MAPK8: variants seen among roughly 807,000 people sequenced by gnomAD.
MAPK8 encodes JUN N-terminal kinase.
MAPK8 carries 13 observed loss-of-function variants against 52.9 expected under a neutral mutation model. That is an observed-to-expected ratio of 0.25 (90% confidence interval 0.16 to 0.39). MAPK8 has a LOEUF of 0.39. Ranked by LOEUF, MAPK8 falls within the 10% of genes least tolerant of loss-of-function variation. The pLI, the probability that MAPK8 is intolerant of heterozygous loss-of-function variation, is 1.00. For missense variants in MAPK8, 300 were observed against 519.2 expected, an observed-to-expected ratio of 0.58 and a Z score of 4.10; for synonymous variants, 191 against 169.8, an observed-to-expected ratio of 1.12 and a Z score of -0.97.
At chr10:48,337,892 A>G (rs1844849821) in intron 1 of MAPK8, among the ~76,000 whole-genome samples, 1 of 151,002 alleles carries the variant, frequency 6.6e-6, no homozygotes, top group Admixed American at 6.9e-5. Flanking sequence ...TCCAAGAGTG[A>G]ACCAGGAAGA....
intron 1 of MAPK8, among the ~76,000 whole-genome samples, chr10:48,338,711 A>G (rs1844941174): frequency 6.6e-6 from 1 of 152,160 alleles, no homozygotes; most frequent in Admixed American, 6.5e-5. Flanking sequence ...GGACCTGAGA[A>G]ACAACTCCAG....
At chr10:48,400,567 T>A (rs1487672401) in intron 1 of MAPK8, among the ~76,000 whole-genome samples, 1 of 152,180 alleles carries the variant, frequency 6.6e-6, no homozygotes, top group Non-Finnish European at 1.5e-5. Context: ...TGGCTCACCT[T>A]CTTACCTAGT....
At chr10:48,417,076 C>A (rs2043107023) in intron 5 of MAPK8, among the ~76,000 whole-genome samples, 1 of 152,116 alleles carries the variant, frequency 6.6e-6, no homozygotes, top group Non-Finnish European at 1.5e-5. Flanking sequence ...CCACTAGATG[C>A]CAGTAGCACT....
chr10:48,387,468 A>G (rs1297038859), intron 1 of MAPK8, among the ~76,000 whole-genome samples: 1 of 152,188 alleles, frequency 6.6e-6, no homozygotes, highest in Non-Finnish European at 1.5e-5. Context: ...AAGAGCTCAG[A>G]TTAATTTTTA....
chr10:48,321,751 A>G (rs1024311260), intron 1 of MAPK8, among the ~76,000 whole-genome samples: 6 of 152,134 alleles, frequency 3.9e-5, no homozygotes, highest in African/African-American at 1.4e-4. Flanking sequence ...TCCTAGCTCC[A>G]TTTGTTGAAA....
At chr10:48,419,652 C>T (rs2043242199) in intron 5 of MAPK8, among the ~76,000 whole-genome samples, 1 of 152,108 alleles carries the variant, frequency 6.6e-6, no homozygotes, top group Non-Finnish European at 1.5e-5. Flanking sequence ...TCTTCTAGTC[C>T]TTTGGAACTG....
intron 1 of MAPK8, among the ~76,000 whole-genome samples, chr10:48,315,598 T>TA (rs1842420598): frequency 8.6e-6 from 1 of 116,950 alleles, no homozygotes; most frequent in Non-Finnish European, 1.9e-5. Context: ...TTTATATATT[T>TA]AAGTTTTTTT....
At chr10:48,419,307 A>G (rs1564611448) in intron 5 of MAPK8, among the ~76,000 whole-genome samples, 1 of 152,208 alleles carries the variant, frequency 6.6e-6, no homozygotes, top group Non-Finnish European at 1.5e-5. Context: ...CAGTACAGGT[A>G]ATACAGTGCA....
chr10:48,427,676 T>G (rs1468472403), intron 10 of MAPK8, among the ~76,000 whole-genome samples: 2 of 152,150 alleles, frequency 1.3e-5, no homozygotes, highest in Non-Finnish European at 2.9e-5. Flanking sequence ...GTATTTTTAG[T>G]AGAGACAGGG....
At chr10:48,426,602 T>A in intron 9 of MAPK8, 98 bp downstream of exon 9, 1 of 1,081,342 alleles carries the variant, frequency 9.2e-7, no homozygotes, top group Non-Finnish European at 1.3e-6. Flanking sequence ...AATAAAAATG[T>A]AGATACATGA....
intron 1 of MAPK8, among the ~76,000 whole-genome samples, chr10:48,347,935 A>C (rs768391337): frequency 2.6e-5 from 4 of 152,176 alleles, no homozygotes; most frequent in Non-Finnish European, 4.4e-5. Flanking sequence ...GCTGGGTCAA[A>C]TGGTGTTTCT....
chr10:48,369,624 G>T (rs1848370269), intron 1 of MAPK8, among the ~76,000 whole-genome samples: 1 of 152,082 alleles, frequency 6.6e-6, no homozygotes, highest in Non-Finnish European at 1.5e-5. Flanking sequence ...AAATTGCCAT[G>T]GGAGAGTGTA....
In MAPK8 at chr10:48,426,469, A is replaced by G; in HGVS notation, c.961A>G (p.Ile321Val). Residue 321 changes from isoleucine to valine, a missense_variant, in exon 9 of 12, where the codon ATC (isoleucine) becomes GTC (valine). Ile to Val is a conservative substitution (Grantham distance 29, BLOSUM62 3). Transcript: ENST00000374189. ...SVDEALQHPY[I>V]NVWYDPSEAE... ...AGATGAAGCTCTCCAACACCCGTAC[A>G]TCAATGTCTGGTATGATCCTTCTGA... The G allele has an allele frequency of 1.2e-6, 2 of 1,612,332 alleles. No homozygotes were observed. Among genetic ancestry groups the G allele is most frequent in the South Asian group, 1.1e-5 (1 of 90,704 alleles).
In MAPK8 at chr10:48,435,355, TTTTG is replaced by T. The variant is rs2044770199; in HGVS notation, c.*330_*333del. 1.4e-5 allele frequency: 3 copies of T among 213,408 alleles called. No individual in the cohort carries two copies. The highest frequency in any genetic ancestry group is 4.6e-5 in the African/African-American group (2 of 43,948). 13.2% of individuals were successfully genotyped at this position (213,408 alleles called of 1,614,324 possible). ...GATTTTTTTAACTGAATTTGTAAGA[TTTTG>T]TTTATCAAAGCAACTATTATGTGGT... On this transcript the variant is annotated 3_prime_UTR_variant, in exon 12 of 12. Transcript: ENST00000374189.
chr10:48,427,294 C>G, intron 10 of MAPK8, 151 bp downstream of exon 10: 1 of 519,214 alleles, frequency 1.9e-6, no homozygotes, highest in Non-Finnish European at 3.5e-6. Flanking sequence ...GAAAGTAAGT[C>G]TGCTTCCTTC....
At chr10:48,337,529 G>A (rs750488324) in intron 1 of MAPK8, among the ~76,000 whole-genome samples, 9 of 151,966 alleles carry the variant, frequency 5.9e-5, no homozygotes, top group Non-Finnish European at 1.0e-4. Context: ...ACCTAACATT[G>A]CCCCTAAAGG....
chr10:48,343,874 G>T (rs879743014), intron 1 of MAPK8, among the ~76,000 whole-genome samples: 5 of 152,194 alleles, frequency 3.3e-5, no homozygotes, highest in Non-Finnish European at 7.3e-5. Flanking sequence ...TAGCTGAATC[G>T]TCTGTCCTCT....
intron 1 of MAPK8, among the ~76,000 whole-genome samples, chr10:48,381,440 A>G (rs552987918): frequency 1.6e-4 from 25 of 152,230 alleles, no homozygotes; most frequent in Admixed American, 5.9e-4. Context: ...AGTGTTTCCC[A>G]TGTATCTAGT....
At chr10:48,339,011 A>G (rs780739066) in intron 1 of MAPK8, among the ~76,000 whole-genome samples, 8 of 152,188 alleles carry the variant, frequency 5.3e-5, no homozygotes, top group Non-Finnish European at 1.0e-4. Flanking sequence ...ATACTGCCCA[A>G]AGCAATCTAC....
Sources: allele counts gnomAD v4.1 joint callset (sites outside exome capture counted in the v4.1 genomes callset), GRCh38; gene constraint gnomAD v4.1.1; transcripts MANE v1.5; gene names NCBI Gene and HGNC (gene_info 2026-07-23, HGNC 2026-07-21).